AOPEP: variants seen among roughly 807,000 people sequenced by gnomAD.
The protein encoded by AOPEP is aminopeptidase O (putative).
AOPEP carries 77 observed loss-of-function variants against 98.1 expected under a neutral mutation model. The observed-to-expected ratio is 0.78, with a 90% CI of 0.65 to 0.95. AOPEP has a LOEUF of 0.95. Ranked by LOEUF, AOPEP falls within the 40% of genes least tolerant of loss-of-function variation. AOPEP has a pLI of 0.00. For missense variants in AOPEP, 1,024 were observed against 1,024.7 expected (o/e 1.00, Z 0.01); for synonymous variants, 346 against 365.3 (o/e 0.95, Z 0.60).
intron 16 of AOPEP, among the ~76,000 whole-genome samples, chr9:95,083,430 T>C (rs1235272498): frequency 1.1e-5 from 1 of 87,940 alleles, no homozygotes; most frequent in South Asian, 3.9e-4. Flanking sequence ...ACACGGCACA[T>C]GCAGCATACA....
intron 13 of AOPEP, among the ~76,000 whole-genome samples, chr9:95,032,768 G>A (rs911316195): frequency 2.0e-5 from 3 of 152,210 alleles, no homozygotes; most frequent in African/African-American, 7.2e-5. Flanking sequence ...TGAGGGGAGG[G>A]TGGTTTGGAG....
At chr9:94,836,084 G>C (rs1588463691) in intron 5 of AOPEP, among the ~76,000 whole-genome samples, 1 of 712 alleles carries the variant, frequency 1.4e-3, no homozygotes, top group Non-Finnish European at 3.9e-3. Flanking sequence ...TTTCCTGCTT[G>C]TGTGTGTGTG....
chr9:94,851,247 C>T (rs957084490), intron 5 of AOPEP, among the ~76,000 whole-genome samples: 5 of 152,122 alleles, frequency 3.3e-5, no homozygotes, highest in Admixed American at 6.5e-5. Flanking sequence ...AAAGGGTGAC[C>T]GGTATGCTGA....
At chr9:94,806,748 T>A (rs560668098) in intron 5 of AOPEP, among the ~76,000 whole-genome samples, 1 of 152,356 alleles carries the variant, frequency 6.6e-6, no homozygotes, top group Non-Finnish European at 1.5e-5. Context: ...GTGATGTTCT[T>A]CTGGGACCCT....
intron 5 of AOPEP, among the ~76,000 whole-genome samples, chr9:94,849,713 T>C (rs1226323988): frequency 1.3e-5 from 2 of 152,208 alleles, no homozygotes; most frequent in Non-Finnish European, 2.9e-5. Context: ...TCATGCACAG[T>C]TCACAATTGG....
At chr9:94,969,685 G>T (rs1202828670) in intron 10 of AOPEP, among the ~76,000 whole-genome samples, 1 of 152,220 alleles carries the variant, frequency 6.6e-6, no homozygotes, top group African/African-American at 2.4e-5. Context: ...GGGATTACAG[G>T]CGTGGGCCAC....
chr9:94,784,536 A>C (rs1843989677), intron 3 of AOPEP, among the ~76,000 whole-genome samples: 1 of 152,184 alleles, frequency 6.6e-6, no homozygotes, highest in Non-Finnish European at 1.5e-5. Flanking sequence ...CAGTTTTTAG[A>C]AGTCATTGAA....
chr9:94,838,415 A>G (rs2041880781), intron 5 of AOPEP, among the ~76,000 whole-genome samples: 1 of 152,126 alleles, frequency 6.6e-6, no homozygotes, highest in African/African-American at 2.4e-5. Flanking sequence ...GTGTGGGTCT[A>G]TTTCTGGATG....
rs550644187 is a variant in AOPEP, at chr9:94,857,801, A to T, written c.1364+56799A>T. On this transcript the variant is annotated intron_variant, in intron 5 of 16. Transcript: ENST00000375315. ...TTTAAAGCAGTTGCTTATCTACTACAGGTTACTTATTGTATGGCAAAAATG... is the reference window on the plus strand; with the variant it reads ...TTTAAAGCAGTTGCTTATCTACTACTGGTTACTTATTGTATGGCAAAAATG... 5.1e-4 allele frequency among the ~76,000 whole-genome samples: 77 copies of T among 152,212 alleles called. 2 individuals carry two copies. Among genetic ancestry groups the T allele is most frequent in the Non-Finnish European group, 1.1e-3 (72 of 68,038 alleles).
intron 3 of AOPEP, among the ~76,000 whole-genome samples, chr9:94,785,744 C>T (rs927596979): frequency 3.9e-5 from 6 of 152,172 alleles, no homozygotes; most frequent in Non-Finnish European, 7.3e-5. Flanking sequence ...AGTGTGTTCT[C>T]TTTGTTTTGC....
chr9:94,915,613 C>G (rs556221412), intron 5 of AOPEP, among the ~76,000 whole-genome samples: 31 of 152,320 alleles, frequency 2.0e-4, no homozygotes, highest in African/African-American at 7.2e-4. Context: ...CCACACTTGC[C>G]TCCACCCCAA....
intron 13 of AOPEP, among the ~76,000 whole-genome samples, chr9:95,030,986 A>G (rs1315072319): frequency 6.6e-6 from 1 of 152,256 alleles, no homozygotes; most frequent in Non-Finnish European, 1.5e-5. Context: ...TGAAAGAAGT[A>G]TAACTGATAC....
chr9:95,064,608 C>G (rs755397448), intron 14 of AOPEP, among the ~76,000 whole-genome samples: 108 of 152,320 alleles, frequency 7.1e-4, no homozygotes, highest in Non-Finnish European at 3.4e-4. Flanking sequence ...TCTTTTGATG[C>G]ATCGTACACA....
At chr9:95,072,015 T>A (rs540451499) in intron 14 of AOPEP, among the ~76,000 whole-genome samples, 1 of 152,292 alleles carries the variant, frequency 6.6e-6, no homozygotes, top group South Asian at 2.1e-4. Context: ...GGGCCGTTGT[T>A]CACCTTTTGC....
At chr9:94,844,820 C>T (rs897897187) in intron 5 of AOPEP, among the ~76,000 whole-genome samples, 6 of 152,030 alleles carry the variant, frequency 3.9e-5, no homozygotes, top group East Asian at 1.9e-4. Flanking sequence ...TGGAGCAGGC[C>T]GGATGTGGGC....
intron 5 of AOPEP, among the ~76,000 whole-genome samples, chr9:94,822,359 A>G (rs1853433418): frequency 2.0e-5 from 3 of 152,290 alleles, no homozygotes; most frequent in Admixed American, 1.3e-4. Context: ...ACCAAGGGAA[A>G]TGACTTTTCC....
intron 12 of AOPEP, 101 bp from the exon 13 acceptor site, chr9:95,005,441 A>T: frequency 8.4e-7 from 1 of 1,192,930 alleles, no homozygotes; most frequent in Non-Finnish European, 1.2e-6. Flanking sequence ...GGTGCGGGGA[A>T]GACCAGGTCG....
intron 13 of AOPEP, among the ~76,000 whole-genome samples, chr9:95,054,158 A>G (rs1401918331): frequency 1.3e-5 from 2 of 152,232 alleles, no homozygotes; most frequent in African/African-American, 2.4e-5. Flanking sequence ...CATTGTTGTC[A>G]TGGCAGGGTG....
Position 94,914,523 on chromosome 9 carries a change from CGTGTGTGT to C in AOPEP, c.1365-9432_1365-9425del, listed in dbSNP as rs67826706. On this transcript the variant is annotated intron_variant, in intron 5 of 16. Transcript: ENST00000375315. ...TAAAATATTGCCCTTTGGCATTAGA[CGTGTGTGT>C]GTGTGTGTGTGTGTGTGTGTGTGTG... Among the ~76,000 whole-genome samples, 68 of 143,704 alleles carry C rather than the reference CGTGTGTGT, an allele frequency of 4.7e-4. 1 individual carries two copies. The highest frequency in any genetic ancestry group is 1.5e-3 in the African/African-American group (57 of 38,250). 94.3% of individuals were successfully genotyped at this position (143,704 alleles called of 152,430 possible).
Sources: allele counts gnomAD v4.1 joint callset (sites outside exome capture counted in the v4.1 genomes callset), GRCh38; gene constraint gnomAD v4.1.1; transcripts MANE v1.5; gene names NCBI Gene and HGNC (gene_info 2026-07-23, HGNC 2026-07-21).